COPG1: variants seen among roughly 807,000 people sequenced by gnomAD.
COPG1 encodes coat protein complex I subunit gamma 1.
COPG1 carries 29 observed loss-of-function variants against 102.8 expected under a neutral mutation model. The observed-to-expected ratio is 0.28, with a 90% CI of 0.21 to 0.38. COPG1 has a LOEUF of 0.38. COPG1 is among the 10% of genes least tolerant of loss of function. The pLI is 1.00. For missense variants in COPG1, 875 were observed against 1,132.7 expected, an observed-to-expected ratio of 0.77 and a Z score of 3.27; for synonymous variants, 406 against 421.6, an observed-to-expected ratio of 0.96 and a Z score of 0.45.
intron 10 of COPG1, among the ~76,000 whole-genome samples, chr3:129,259,324 G>C (rs1332192849): frequency 6.6e-6 from 1 of 152,068 alleles, no homozygotes; most frequent in Non-Finnish European, 1.5e-5. Flanking sequence ...AGCCGGGCGT[G>C]GTGGTGCGCA....
intron 21 of COPG1, 83 bp from the exon 22 acceptor site, chr3:129,274,755 C>A: frequency 6.8e-7 from 1 of 1,479,444 alleles, no homozygotes; most frequent in Non-Finnish European, 9.3e-7. Flanking sequence ...GAAAGAGTTG[C>A]AGGAAGGGAT....
Position 129,249,656 on chromosome 3 carries a change from C to G in COPG1, c.-54C>G, listed in dbSNP as rs369893163. ...TAGAACCACTGTGGCACCGCTACTC[C>G]GTGCCGCGCCCGTCGAGCATTGCGT... On this transcript the variant is annotated 5_prime_UTR_variant, in exon 1 of 24. Coordinates refer to ENST00000314797, the MANE Select transcript of COPG1 (RefSeq NM_016128.4). 4.5e-6 allele frequency: 7 copies of G among 1,545,540 alleles called. No individual in the cohort carries two copies. Among genetic ancestry groups the G allele is most frequent in the African/African-American group, 1.4e-5 (1 of 73,048 alleles).
In COPG1 at chr3:129,275,951, T is replaced by A. The variant is rs151294378; in HGVS notation, c.2494+659T>A. 5.4e-4 allele frequency among the ~76,000 whole-genome samples: 81 copies of A among 150,846 alleles called. No individual in the cohort carries two copies. Among genetic ancestry groups the A allele is most frequent in the African/African-American group, 1.6e-3 (65 of 40,360 alleles). On this transcript the variant is annotated intron_variant, in intron 23 of 23. Coordinates refer to ENST00000314797, the MANE Select transcript of COPG1 (RefSeq NM_016128.4). The surrounding 1 kb of genome is among the most constrained non-coding windows in gnomAD (Gnocchi z 5.0). ...GATTTCAATCTCTTGCTATTACAGA[T>A]GTTACAGTAAATAATCGTGTACACA... is the stretch of plus-strand genomic sequence containing the variant.
intron 12 of COPG1, among the ~76,000 whole-genome samples, chr3:129,262,907 C>T (rs899314808): frequency 6.6e-6 from 1 of 151,690 alleles, no homozygotes; most frequent in African/African-American, 2.4e-5. Context: ...GTAGTCCCAG[C>T]CACTCCGGAG....
chr3:129,255,764 G>A (rs952652458), intron 7 of COPG1, among the ~76,000 whole-genome samples: 17 of 152,110 alleles, frequency 1.1e-4, no homozygotes, highest in African/African-American at 3.6e-4. Context: ...ATTACAAAGC[G>A]TGAGCCACCG....
At chr3:129,255,882 A>T (rs959651562) in intron 7 of COPG1, among the ~76,000 whole-genome samples, 186 bp from the exon 8 acceptor site, 7 of 152,064 alleles carry the variant, frequency 4.6e-5, no homozygotes, top group African/African-American at 1.4e-4. Context: ...TCGTGGGTGG[A>T]TGGTGTTGAC....
At chr3:129,252,155 C>A in intron 2 of COPG1, 126 bp from the exon 3 acceptor site, 1 of 658,866 alleles carries the variant, frequency 1.5e-6, no homozygotes, top group Non-Finnish European at 2.8e-6. Flanking sequence ...TGAAAATAAG[C>A]TTGTTGCATA....
intron 5 of COPG1, chr3:129,254,415 T>G: frequency 2.2e-6 from 1 of 451,714 alleles, no homozygotes; most frequent in Non-Finnish European, 4.0e-6. Flanking sequence ...GTTCAAGGAG[T>G]TACATTCAGG....
In COPG1 at chr3:129,260,525, G is replaced by C. The variant is rs1939905906; in HGVS notation, c.940-94G>C. ...GTTAGTTTCTTCTAGATGGTGAGAT[G>C]ATCTCATCCAAAGGACTTCTGACTG... On this transcript the variant is annotated intron_variant, in intron 11 of 23. Coordinates refer to ENST00000314797, the MANE Select transcript of COPG1 (RefSeq NM_016128.4). 5 of 1,506,026 alleles carry C rather than the reference G, an allele frequency of 3.3e-6. No homozygotes were observed. In the Admixed American group the frequency reaches 8.6e-5, roughly 26 times the overall value. 93.3% of individuals were successfully genotyped at this position (1,506,026 alleles called of 1,614,324 possible).
At position 129,257,854 on chromosome 3, in the gene COPG1, G is replaced by T. The variant is rs780852410; in HGVS notation, c.865G>T (p.Val289Leu). The T allele has an allele frequency of 1.5e-5, 24 of 1,613,170 alleles. No individual in the cohort carries two copies. The highest frequency in any genetic ancestry group is 2.0e-5 in the Non-Finnish European group (24 of 1,179,904). ...CAGTGCCAAAGAGCTGGCCCCGGCTGTGTCAGGTCACTGGGCATTCCTTCA... is the reference window on the plus strand; with the variant it reads ...CAGTGCCAAAGAGCTGGCCCCGGCTTTGTCAGGTCACTGGGCATTCCTTCA... ...GCSAKELAPA[V>L]SVLQLFCSSP... Residue 289 changes from valine to leucine, a missense_variant, in exon 10 of 24, where the codon GTG becomes TTG. Transcript: ENST00000314797.
rs537396725 is a variant in COPG1 at position 129,276,542 on chromosome 3, C to T, written c.2495-752C>T. 2.0e-5 allele frequency among the ~76,000 whole-genome samples: 3 copies of T among 152,252 alleles called. No individual in the cohort carries two copies. In the South Asian group the frequency reaches 6.2e-4, roughly 32 times the overall value. ...TTATAAACAGGGTTGAAAGGAGGCT[C>T]TGCTTCAGTACCCTGCCTACAGCTG... On this transcript the variant is annotated intron_variant, in intron 23 of 23. Coordinates refer to ENST00000314797, the MANE Select transcript of COPG1 (RefSeq NM_016128.4).
Position 129,254,684 on chromosome 3 carries a change from ACT to A in COPG1, c.341_342del (p.Thr114ArgfsTer19). 6.2e-7 allele frequency: 1 copy of A among 1,614,026 alleles called. No homozygotes were observed. Among genetic ancestry groups the A allele is most frequent in the Non-Finnish European group, 8.5e-7 (1 of 1,179,928 alleles). ...TCCCTGCAGCCTAACAAAAGACATGACTGGGAAAGAAGACAACTACCGGGGCC... is the reference window on the plus strand; with the variant it reads ...TCCCTGCAGCCTAACAAAAGACATGAGGGAAAGAAGACAACTACCGGGGCC... ...IVTSSLTKDM[T>X]GKEDNYRGPA... On this transcript the variant is annotated frameshift_variant, in exon 6 of 24. Coordinates refer to ENST00000314797, the MANE Select transcript of COPG1 (RefSeq NM_016128.4). LOFTEE classifies it high-confidence loss of function.
intron 18 of COPG1, among the ~76,000 whole-genome samples, chr3:129,270,344 A>G (rs1007756530): frequency 1.3e-5 from 2 of 152,064 alleles, no homozygotes; most frequent in Admixed American, 1.3e-4. Flanking sequence ...AATCACATAC[A>G]TGTTCAGTTC....
intron 7 of COPG1, 99 bp downstream of exon 7, chr3:129,255,176 TTTC>T: frequency 6.5e-6 from 5 of 770,522 alleles, no homozygotes; most frequent in Non-Finnish European, 1.0e-5. Flanking sequence ...TGTTTCTTTC[TTTC>T]TTTTTTTTTT....
rs1356839198 is a variant in COPG1, at chr3:129,252,508, T to G, written c.172-115T>G. On this transcript the variant is annotated intron_variant, in intron 3 of 23. Coordinates refer to ENST00000314797, the MANE Select transcript of COPG1 (RefSeq NM_016128.4). ...TCTGGGTCCCCTCAGCATCCAAGTCTCATATGTTGCCCTTGAGCCTCTTTA... is the reference window on the plus strand; with the variant it reads ...TCTGGGTCCCCTCAGCATCCAAGTCGCATATGTTGCCCTTGAGCCTCTTTA... The G allele has an allele frequency of 4.8e-6, 5 of 1,051,400 alleles. No homozygotes were observed. The East Asian group carries it at 1.2e-4, about 25-fold the overall frequency. 65.1% of individuals were successfully genotyped at this position (1,051,400 alleles called of 1,614,324 possible).
intron 23 of COPG1, among the ~76,000 whole-genome samples, chr3:129,276,464 A>C (rs1940271116): frequency 6.6e-6 from 1 of 152,244 alleles, no homozygotes; most frequent in South Asian, 2.1e-4. Context: ...TACAATTATC[A>C]TACCTAAAAC....
At chr3:129,264,089 C>T (rs1940004926) in intron 13 of COPG1, 90 bp downstream of exon 13, 1 of 1,086,496 alleles carries the variant, frequency 9.2e-7, no homozygotes, top group East Asian at 2.5e-5. Flanking sequence ...TGTGCGTGTG[C>T]TTATGTTAGC....
At position 129,274,987 on chromosome 3, in the gene COPG1, G is replaced by A. The variant is rs1940238930; in HGVS notation, c.2395+11G>A. ...TCAAGACACTTGAAGGTAAAATCCT[G>A]GGAATGCCATCTCTGGCCTAATTAC... On this transcript the variant is annotated intron_variant, in intron 22 of 23. Coordinates refer to ENST00000314797, the MANE Select transcript of COPG1 (RefSeq NM_016128.4). 6.2e-7 allele frequency: 1 copy of A among 1,613,834 alleles called. No individual in the cohort carries two copies. The highest frequency in any genetic ancestry group is 2.2e-5 in the East Asian group (1 of 44,890).
In COPG1 at chr3:129,271,742, A is replaced by G. The variant is rs765452994; in HGVS notation, c.1844-25A>G. On this transcript the variant is annotated intron_variant, in intron 18 of 23. Coordinates refer to ENST00000314797, the MANE Select transcript of COPG1 (RefSeq NM_016128.4). The surrounding 1 kb of genome is among the most constrained non-coding windows in gnomAD (Gnocchi z 4.7). ...AGTTGGTCTGGGGATCGAGAAGCTG[A>G]GTGAATGTGGCCTGTGGATTTCAGA... 6 of 1,612,248 alleles carry G rather than the reference A, an allele frequency of 3.7e-6. No individual in the cohort carries two copies. In the Admixed American group the frequency reaches 8.4e-5, roughly 23 times the overall value.
Sources: allele counts gnomAD v4.1 joint callset (sites outside exome capture counted in the v4.1 genomes callset), GRCh38; gene constraint gnomAD v4.1.1; non-coding constraint Gnocchi (gnomAD v3.1); transcripts MANE v1.5; gene names NCBI Gene and HGNC (gene_info 2026-07-23, HGNC 2026-07-21).